MMEL1: variants seen among roughly 807,000 people sequenced by gnomAD.
MMEL1 encodes membrane metalloendopeptidase like 1, also known as membrane metallo-endopeptidase-like 1.
In MMEL1, 98 loss-of-function variants were observed where a neutral mutation model predicts 117.1. That is an observed-to-expected ratio of 0.84 (90% CI 0.71 to 0.99). MMEL1 has a LOEUF of 0.99. Among genes scored for constraint, MMEL1 ranks in the 50% least tolerant of loss-of-function variants. The pLI is 0.00. For synonymous variants in MMEL1, 390 were observed against 415.1 expected (o/e 0.94, Z 0.74); for missense variants, 1,014 against 1,049.1 (o/e 0.97, Z 0.46).
chr1:2,602,515 AC>A (rs1034258973), intron 11 of MMEL1, among the ~76,000 whole-genome samples: 1 of 151,574 alleles, frequency 6.6e-6, no homozygotes, highest in Non-Finnish European at 1.5e-5. Flanking sequence ...CACCACGGGC[AC>A]CCCCCTTGGC....
rs769306589 is a variant in MMEL1 at position 2,604,025 on chromosome 1, G to C, written c.952-52C>G. 4 of 1,590,730 alleles carry C rather than the reference G, an allele frequency of 2.5e-6. No homozygotes were observed. The African/African-American group carries it at 5.4e-5, about 21-fold the overall frequency. On this transcript the variant is annotated intron_variant, in intron 10 of 23. Transcript: ENST00000378412. ...GCGGGTGGCCAGGATGCCCCCTGGGGCTCCTGGCCCAGTCCCTGCCTGCTA... is the reference window on the plus strand; with the variant it reads ...GCGGGTGGCCAGGATGCCCCCTGGGCCTCCTGGCCCAGTCCCTGCCTGCTA...
Position 2,612,030 on chromosome 1 carries a change from G to T in MMEL1, c.232+97C>A. ...CCCTCCTCCGGCACATGAGGGTTGG[G>T]CAGAACCCAGCCCCTGCCCCTCCAC... On this transcript the variant is annotated intron_variant, in intron 3 of 23. Transcript: ENST00000378412. The surrounding 1 kb of genome is among the most constrained non-coding windows in gnomAD (Gnocchi z 5.4). 9.2e-7 allele frequency: 1 copy of T among 1,089,604 alleles called. No individual in the cohort carries two copies. Among genetic ancestry groups the T allele is most frequent in the Non-Finnish European group, 1.4e-6 (1 of 732,116 alleles). 67.5% of individuals were successfully genotyped at this position (1,089,604 alleles called of 1,614,324 possible). A position where few individuals can be genotyped will look rare whatever the true frequency, so the allele number is the denominator to read the frequency against.
At chr1:2,623,691 G>A (rs973018827) in intron 2 of MMEL1, among the ~76,000 whole-genome samples, 7 of 152,194 alleles carry the variant, frequency 4.6e-5, no homozygotes, top group Admixed American at 1.3e-4. Context: ...TTCTGTCCAC[G>A]GCCTTTCCCA....
At chr1:2,605,981 G>A (rs958847032) in intron 8 of MMEL1, among the ~76,000 whole-genome samples, 2 of 152,178 alleles carry the variant, frequency 1.3e-5, no homozygotes, top group African/African-American at 2.4e-5. Flanking sequence ...CTCCTGCCCC[G>A]GTTCCAGCCC....
intron 9 of MMEL1, among the ~76,000 whole-genome samples, chr1:2,604,637 G>T (rs1444343966): frequency 6.6e-6 from 1 of 152,014 alleles, no homozygotes; most frequent in African/African-American, 2.4e-5. Context: ...TGGGTGCCAG[G>T]GTGGTGGGTG....
chr1:2,606,979 G>C lies in MMEL1; in HGVS notation c.626C>G (p.Thr209Ser), dbSNP rs1645039374. 6.2e-7 allele frequency: 1 copy of C among 1,612,274 alleles called. No individual in the cohort carries two copies. Among genetic ancestry groups the C allele is most frequent in the Admixed American group, 1.7e-5 (1 of 59,990 alleles). The change falls in exon 7 of 24, where the codon ACC becomes AGC. Residue 209 changes from threonine to serine, a missense_variant. Thr to Ser is a moderately conservative substitution (Grantham distance 58, BLOSUM62 1). Transcript: ENST00000378412. ...GCTGCCAGGCCCGGCCTTACCTACG[G>C]TCTCGTTCCACCTGTCCATCGCCAC... ...WPVAMDRWNE[T>S]VGLEWELERQ...
chr1:2,617,148 C>T (rs1377311330), intron 2 of MMEL1, among the ~76,000 whole-genome samples: 5 of 151,876 alleles, frequency 3.3e-5, no homozygotes, highest in African/African-American at 1.2e-4. Context: ...TCAGGCGTGG[C>T]CAGGCGCGGT....
chr1:2,594,899 G>A lies in MMEL1; in HGVS notation c.1585-6C>T, dbSNP rs1644807854. On this transcript the variant is annotated splice_polypyrimidine_tract_variant and splice_region_variant and intron_variant, in intron 16 of 23. Transcript: ENST00000378412. ...AGGTCCTCTGAGAAGTTCAGCTACG[G>A]GAGAGGGGCAGTCACTGCCAGATGC... The A allele has an allele frequency of 2.5e-6, 4 of 1,611,652 alleles. No individual in the cohort carries two copies. The highest frequency in any genetic ancestry group is 3.4e-6 in the Non-Finnish European group (4 of 1,178,086).
chr1:2,610,977 G>T (rs944942780), intron 4 of MMEL1, among the ~76,000 whole-genome samples: 1 of 152,262 alleles, frequency 6.6e-6, no homozygotes, highest in African/African-American at 2.4e-5. Context: ...AAATAAGAAA[G>T]TGGCTATTCA....
intron 2 of MMEL1, among the ~76,000 whole-genome samples, chr1:2,626,844 C>T (rs1051362844): frequency 6.6e-6 from 1 of 152,074 alleles, no homozygotes; most frequent in Non-Finnish European, 1.5e-5. Context: ...TGATCCAAAA[C>T]AAGGCAAGAA....
intron 14 of MMEL1, 126 bp from the exon 15 acceptor site, chr1:2,596,233 C>T (rs1644837098): frequency 1.1e-6 from 1 of 905,328 alleles, no homozygotes; most frequent in Non-Finnish European, 1.8e-6. Flanking sequence ...CAGCTGTGGG[C>T]CTCTCAGGTG....
At chr1:2,597,079 A>T (rs1186592917) in intron 13 of MMEL1, among the ~76,000 whole-genome samples, 3 of 152,000 alleles carry the variant, frequency 2.0e-5, no homozygotes, top group Non-Finnish European at 4.4e-5. Flanking sequence ...ACCAGCTCCC[A>T]GGGCCCTGGT....
chr1:2,607,142 C>A, intron 6 of MMEL1, 73 bp from the exon 7 acceptor site: 3 of 1,366,220 alleles, frequency 2.2e-6, no homozygotes, highest in Non-Finnish European at 3.1e-6. Flanking sequence ...ACTGTGGGGG[C>A]GCCGTTGGCC....
At position 2,595,066 on chromosome 1, in the gene MMEL1, ACT is replaced by A. The variant is rs1156521583; in HGVS notation, c.1585-175_1585-174del. ...AGCCCTGGCTGTGGGCATTTACATG[ACT>A]CTGAGCAAGTCCCTCGTCCCTCCAG... On this transcript the variant is annotated intron_variant, in intron 16 of 23. Transcript: ENST00000378412. The surrounding 1 kb of genome is among the most constrained non-coding windows in gnomAD (Gnocchi z 4.8). Among the ~76,000 whole-genome samples the A allele has an allele frequency of 6.6e-6, 1 of 151,574 alleles. No individual in the cohort carries two copies. The highest frequency in any genetic ancestry group is 1.5e-5 in the Non-Finnish European group (1 of 67,858).
At chr1:2,611,946 C>G (rs1434985040) in intron 3 of MMEL1, among the ~76,000 whole-genome samples, 181 bp downstream of exon 3, 1 of 152,198 alleles carries the variant, frequency 6.6e-6, no homozygotes, top group Non-Finnish European at 1.5e-5. Context: ...GCCCAGTAAG[C>G]CTCCTGCGTC....
At chr1:2,593,075 G>A in intron 19 of MMEL1, 109 bp from the exon 20 acceptor site, 1 of 1,399,852 alleles carries the variant, frequency 7.1e-7, no homozygotes, top group East Asian at 2.3e-5. Flanking sequence ...GCCAGCCCCA[G>A]TACGGAGAGC....
intron 13 of MMEL1, among the ~76,000 whole-genome samples, chr1:2,597,939 G>C (rs1241659767): frequency 6.6e-6 from 1 of 152,142 alleles, no homozygotes; most frequent in Non-Finnish European, 1.5e-5. Context: ...AGGCCTTTAA[G>C]GTCTCAAATG....
chr1:2,608,860 T>C lies in MMEL1; in HGVS notation c.535+479A>G, dbSNP rs186328013. Among the ~76,000 whole-genome samples the C allele has an allele frequency of 5.9e-5, 9 of 152,226 alleles. No individual in the cohort carries two copies. In the East Asian group the frequency reaches 1.7e-3, roughly 29 times the overall value. ...CATACACAACACATGTACCCACATGTACACATGCACAAACCACATGTAACA... is the reference window on the plus strand; with the variant it reads ...CATACACAACACATGTACCCACATGCACACATGCACAAACCACATGTAACA... On this transcript the variant is annotated intron_variant, in intron 6 of 23. Coordinates refer to ENST00000378412, the MANE Select transcript of MMEL1 (RefSeq NM_033467.4).
At chr1:2,632,697 A>AG (rs1231203006) in intron 1 of MMEL1, 169 bp downstream of exon 1, 1 of 215,272 alleles carries the variant, frequency 4.6e-6, no homozygotes, top group East Asian at 1.8e-4. Flanking sequence ...CGTATGCCAG[A>AG]GGGGGCTGCC....
Sources: gnomAD v4.1 joint callset for allele counts (sites outside exome capture counted in the v4.1 genomes callset) on GRCh38, gnomAD v4.1.1 for gene constraint, Gnocchi (gnomAD v3.1) non-coding constraint, MANE v1.5 for transcripts, NCBI Gene and HGNC (gene_info 2026-07-23, HGNC 2026-07-21) for gene names.